Variants in HSPA14 observed in about 807,000 individuals in gnomAD.
HSPA14 encodes the protein heat shock 70 kDa protein 14.
HSPA14 carries 37 observed loss-of-function variants against 65.5 expected under a neutral mutation model. That is an observed-to-expected ratio of 0.56 (90% confidence interval 0.43 to 0.74). The LOEUF (loss-of-function observed/expected upper bound fraction) is 0.74. Among genes scored for constraint, HSPA14 ranks in the 30% least tolerant of loss-of-function variants. The pLI, the probability that HSPA14 is intolerant of heterozygous loss-of-function variation, is 0.00. For synonymous variants in HSPA14, 203 were observed against 214.2 expected (o/e 0.95, Z 0.46); for missense variants, 564 against 607.6 (o/e 0.93, Z 0.75).
chr10:14,862,765 G>A (rs1339613733), intron 10 of HSPA14, among the ~76,000 whole-genome samples: 2 of 151,080 alleles, frequency 1.3e-5, no homozygotes, highest in African/African-American at 2.4e-5. Context: ...CTGCAGCCTC[G>A]AACTCCCAGG....
In HSPA14 at chr10:14,846,123, C is replaced by G. The variant is rs543264948; in HGVS notation, c.222-2486C>G. ...AAGTGCCACACCAGACATATAGACT[C>G]TTTACTTTAAAAGAGCATATATTTA... On this transcript the variant is annotated intron_variant, in intron 3 of 13. Coordinates refer to ENST00000378372, the MANE Select transcript of HSPA14 (RefSeq NM_016299.4). 1.4e-5 allele frequency: 14 copies of G among 969,382 alleles called. No individual in the cohort carries two copies. The South Asian group carries it at 6.6e-4, about 46-fold the overall frequency. The allele number at this position is 969,382 out of a possible 1,614,324, so 60.0% of individuals were successfully genotyped here. A position where few individuals can be genotyped will look rare whatever the true frequency, so the allele number is the denominator to read the frequency against.
chr10:14,846,030 A>C, intron 3 of HSPA14: 2 of 954,390 alleles, frequency 2.1e-6, no homozygotes, highest in Non-Finnish European at 2.5e-6. Context: ...GTATATTTGA[A>C]ATACTGGTAA....
intron 3 of HSPA14, chr10:14,845,860 C>T (rs1834043987): frequency 3.2e-6 from 1 of 312,904 alleles, no homozygotes; most frequent in Non-Finnish European, 4.7e-6. Context: ...CCGTGCCCAG[C>T]CAATTCATGC....
rs114173593 is a variant in HSPA14 at position 14,854,137 on chromosome 10, T to C, written c.747T>C (p.His249=). 47 of 1,601,300 alleles carry C rather than the reference T, an allele frequency of 2.9e-5. No individual in the cohort carries two copies. Among genetic ancestry groups the C allele is most frequent in the Middle Eastern group, 3.3e-4 (2 of 6,038 alleles). ...LASEFQRSFK[H]DVRGNARAMM... ...GTTTTTAATTTAGATCCTTCAAACA[T>C]GATGTGAGAGGAAATGCGCGAGCCA... Residue 249 remains histidine (H), a synonymous_variant, in exon 9 of 14, where the codon CAT becomes CAC. Transcript: ENST00000378372.
intron 10 of HSPA14, among the ~76,000 whole-genome samples, chr10:14,865,093 T>C (rs1365919033): frequency 1.3e-5 from 2 of 152,226 alleles, no homozygotes; most frequent in Non-Finnish European, 2.9e-5. Flanking sequence ...CATTTTTTCA[T>C]GTGTCTTTTG....
chr10:14,871,422 T>C lies in HSPA14; in HGVS notation c.1452-106T>C, dbSNP rs564507515. ...TACATTAATACCCTTCTTTTGAAAA[T>C]TAAAATTAACCCTTGTTTACTGAAA... On this transcript the variant is annotated intron_variant, in intron 13 of 13. Coordinates refer to ENST00000378372, the MANE Select transcript of HSPA14 (RefSeq NM_016299.4). 5.9e-6 allele frequency: 4 copies of C among 675,216 alleles called. No individual in the cohort carries two copies. The South Asian group carries it at 7.0e-5, about 12-fold the overall frequency. The allele number at this position is 675,216 out of a possible 1,614,324, so 41.8% of individuals were successfully genotyped here. A position where few individuals can be genotyped will look rare whatever the true frequency, so the allele number is the denominator to read the frequency against.
At chr10:14,845,752 G>A (rs1005569736) in intron 3 of HSPA14, 28 of 174,386 alleles carry the variant, frequency 1.6e-4, no homozygotes, top group Middle Eastern at 5.6e-3. Context: ...AGTAGAGACG[G>A]GGTTTCACCA....
intron 3 of HSPA14, chr10:14,844,098 A>G (rs1220383144): frequency 7.2e-7 from 1 of 1,398,462 alleles, no homozygotes; most frequent in Non-Finnish European, 9.3e-7. Context: ...GCCAGGGGTG[A>G]CCTAATAGAA....
Position 14,839,895 on chromosome 10 carries a change from T to C in HSPA14, c.58-10T>C. 2 of 1,608,882 alleles carry C rather than the reference T, an allele frequency of 1.2e-6. No homozygotes were observed. On this transcript the variant is annotated splice_polypyrimidine_tract_variant and intron_variant, in intron 1 of 13. Coordinates refer to ENST00000378372, the MANE Select transcript of HSPA14 (RefSeq NM_016299.4). ...TAATGAGACTATGTATTTCGTGTTT[T>C]TTTCTCTAGGATGGCCGGGCTGGTG... is the stretch of plus-strand genomic sequence containing the variant.
At chr10:14,870,112 A>G (rs1031067944) in intron 12 of HSPA14, among the ~76,000 whole-genome samples, 2 of 152,192 alleles carry the variant, frequency 1.3e-5, no homozygotes, top group South Asian at 4.1e-4. Context: ...ATTCATTACC[A>G]TCTCTTACTT....
At chr10:14,859,480 A>G (rs375134033) in intron 10 of HSPA14, among the ~76,000 whole-genome samples, 5 of 152,156 alleles carry the variant, frequency 3.3e-5, no homozygotes, top group African/African-American at 7.2e-5. Flanking sequence ...TTGCCTTTCT[A>G]TCTTTACCTT....
chr10:14,844,669 C>T (rs968666716), intron 3 of HSPA14: 9 of 977,592 alleles, frequency 9.2e-6, no homozygotes, highest in Middle Eastern at 5.2e-4. Context: ...TTGTGTGTTA[C>T]GGTTTATATC....
chr10:14,858,139 C>T (rs968980585), intron 10 of HSPA14, among the ~76,000 whole-genome samples: 1 of 152,074 alleles, frequency 6.6e-6, no homozygotes, highest in Non-Finnish European at 1.5e-5. Flanking sequence ...ATAATACTTA[C>T]CTTACAAGTA....
rs951453377 is a variant in HSPA14, at chr10:14,845,137, T to C, written c.222-3472T>C. ...CCTCCTCCACACCCCAGACACACAC[T>C]GGGGAGAGATGAAGGTGATAAGCCA... is the stretch of plus-strand genomic sequence containing the variant. On this transcript the variant is annotated intron_variant, in intron 3 of 13. Transcript: ENST00000378372. 22 of 985,390 alleles carry C rather than the reference T, an allele frequency of 2.2e-5. No homozygotes were observed. The African/African-American group carries it at 3.7e-4, about 16-fold the overall frequency. The allele number at this position is 985,390 out of a possible 1,614,324, so 61.0% of individuals were successfully genotyped here.
At position 14,842,403 on chromosome 10, in the gene HSPA14, C is replaced by G. The variant is rs1432531905; in HGVS notation, c.221+2246C>G. On this transcript the variant is annotated intron_variant, in intron 3 of 13. Transcript: ENST00000378372. This position sits in a 1 kb window ranked among gnomAD's most constrained non-coding sequence, Gnocchi z 5.2. ...CGCCTCCAGACTGTGCATCACAATG[C>G]AGATGTCTATCAGGCTGTGTCTAAG... 1 of 1,536,162 alleles carries G rather than the reference C, an allele frequency of 6.5e-7. No individual in the cohort carries two copies. The highest frequency in any genetic ancestry group is 2.4e-5 in the East Asian group (1 of 40,922).
rs190812235 is a variant in HSPA14 at position 14,839,715 on chromosome 10, G to A, written c.58-190G>A. On this transcript the variant is annotated intron_variant, in intron 1 of 13. Transcript: ENST00000378372. ...ACTTTGCAGAGCAGACTGAAAACAT[G>A]AGGCAGTTCTTCATGGAATTATAGG... 2.8e-3 allele frequency among the ~76,000 whole-genome samples: 424 copies of A among 152,310 alleles called. 2 individuals are homozygous for A. Among genetic ancestry groups the A allele is most frequent in the African/African-American group, 9.7e-3 (403 of 41,576 alleles).
chr10:14,860,995 G>T (rs1564325221), intron 10 of HSPA14, among the ~76,000 whole-genome samples: 2 of 152,148 alleles, frequency 1.3e-5, no homozygotes, highest in Non-Finnish European at 2.9e-5. Context: ...TATCCTTAAG[G>T]AAGGGAGAGA....
At position 14,840,034 on chromosome 10, in the gene HSPA14, A is replaced by G. The variant is rs774427195; in HGVS notation, c.139-41A>G. On this transcript the variant is annotated intron_variant, in intron 2 of 13. Coordinates refer to ENST00000378372, the MANE Select transcript of HSPA14 (RefSeq NM_016299.4). ...CTTCTGAAATAATTTAAAATTACAT[A>G]CATTGTAATATATATATATATATAT... 2.3e-5 allele frequency: 32 copies of G among 1,386,228 alleles called. 1 individual carries two copies. In the South Asian group the frequency reaches 3.9e-4, roughly 17 times the overall value. The allele number at this position is 1,386,228 out of a possible 1,614,324, so 85.9% of individuals were successfully genotyped here.
At chr10:14,856,043 A>G in intron 10 of HSPA14, 100 bp downstream of exon 10, 1 of 698,768 alleles carries the variant, frequency 1.4e-6, no homozygotes, top group Non-Finnish European at 2.5e-6. Flanking sequence ...AATGCATTTA[A>G]GAATTTTCTT....
Sources: allele counts gnomAD v4.1 joint callset (sites outside exome capture counted in the v4.1 genomes callset), GRCh38; gene constraint gnomAD v4.1.1; non-coding constraint Gnocchi (gnomAD v3.1); transcripts MANE v1.5; gene names NCBI Gene and HGNC (gene_info 2026-07-23, HGNC 2026-07-21).